CCDC178: variants seen among roughly 807,000 people sequenced by gnomAD.
The protein encoded by CCDC178 is coiled-coil domain-containing protein 178.
A neutral mutation model predicts 117.4 loss-of-function variants in CCDC178; 126 were observed. The ratio of observed to expected loss-of-function variants is 1.07; its 90% confidence interval spans 0.93 to 1.24. CCDC178 has a LOEUF of 1.24. Ranked by LOEUF, CCDC178 falls within the 50% of genes most tolerant of loss-of-function variation. The pLI is 0.00. For synonymous variants in CCDC178, 283 were observed against 313.4 expected, an observed-to-expected ratio of 0.90 and a Z score of 1.02; for missense variants, 1,030 against 986.9, an observed-to-expected ratio of 1.04 and a Z score of -0.59.
intron 12 of CCDC178, among the ~76,000 whole-genome samples, chr18:33,280,799 T>G (rs1450839180): frequency 6.6e-6 from 1 of 152,182 alleles, no homozygotes; most frequent in Admixed American, 6.5e-5. Context: ...TCATGTCCTT[T>G]GTAGGGACAC....
chr18:33,180,859 T>C (rs1241702910), intron 20 of CCDC178, among the ~76,000 whole-genome samples: 2 of 152,104 alleles, frequency 1.3e-5, no homozygotes, highest in African/African-American at 4.8e-5. Context: ...TCTTGGCCTA[T>C]GCCACTTGTC....
chr18:33,379,586 A>G (rs964267366), intron 5 of CCDC178, among the ~76,000 whole-genome samples: 1 of 152,120 alleles, frequency 6.6e-6, no homozygotes, highest in Non-Finnish European at 1.5e-5. Flanking sequence ...AGAATCCAAT[A>G]GGCAGCCTCT....
chr18:33,200,780 T>C (rs2058982224), intron 20 of CCDC178, among the ~76,000 whole-genome samples: 1 of 152,186 alleles, frequency 6.6e-6, no homozygotes, highest in Admixed American at 6.5e-5. Context: ...TCAAGAAAAG[T>C]ACTTGTTACA....
chr18:32,983,353 C>T (rs1289063209), intron 21 of CCDC178: 1 of 1,511,302 alleles, frequency 6.6e-7, no homozygotes, highest in South Asian at 1.2e-5. Context: ...AGCCTGCAAC[C>T]TAAGAATAGA....
intron 14 of CCDC178, among the ~76,000 whole-genome samples, chr18:33,248,240 T>C (rs1020012673): frequency 1.3e-5 from 2 of 151,818 alleles, no homozygotes; most frequent in African/African-American, 4.8e-5. Flanking sequence ...CTGACGTAGC[T>C]TAAGAAAATT....
chr18:33,299,415 T>G (rs2062147351), intron 11 of CCDC178, among the ~76,000 whole-genome samples: 1 of 151,762 alleles, frequency 6.6e-6, no homozygotes, highest in Admixed American at 6.6e-5. Flanking sequence ...ATAATAAAAA[T>G]AGACCTCATC....
intron 21 of CCDC178, among the ~76,000 whole-genome samples, chr18:33,071,109 T>C (rs1310138202): frequency 2.0e-5 from 3 of 152,118 alleles, no homozygotes; most frequent in Non-Finnish European, 4.4e-5. Context: ...TGGAGAGGTT[T>C]ATACAGTGAG....
chr18:32,997,560 T>C (rs1568207140), intron 21 of CCDC178, among the ~76,000 whole-genome samples: 1 of 152,122 alleles, frequency 6.6e-6, no homozygotes, highest in Non-Finnish European at 1.5e-5. Flanking sequence ...TTCCTTAAAA[T>C]AAAATCTCTC....
chr18:33,011,738 C>G (rs140599214), intron 21 of CCDC178, among the ~76,000 whole-genome samples: 5 of 111,528 alleles, frequency 4.5e-5, no homozygotes, highest in African/African-American at 1.7e-4. Flanking sequence ...ACAGGCTTAA[C>G]TTAACGTGGC....
chr18:32,964,810 TA>T (rs997811470), intron 22 of CCDC178, among the ~76,000 whole-genome samples: 8 of 152,102 alleles, frequency 5.3e-5, no homozygotes, highest in African/African-American at 1.7e-4. Flanking sequence ...AGAGATTTTT[TA>T]AAAAAGTTTA....
At position 33,430,156 on chromosome 18, in the gene CCDC178, T is replaced by C. The variant is rs1179889149; in HGVS notation, c.-23+9806A>G. ...AAAATCAAAAAATTGCCACAAAAAC[T>C]TTACTTGAGTAAAATAAAAGTAAGC... On this transcript the variant is annotated intron_variant, in intron 2 of 22. Coordinates refer to ENST00000383096, the MANE Select transcript of CCDC178 (RefSeq NM_001105528.4). 2.0e-5 allele frequency among the ~76,000 whole-genome samples: 3 copies of C among 152,212 alleles called. No homozygotes were observed. In the East Asian group the frequency reaches 5.8e-4, roughly 29 times the overall value.
intron 20 of CCDC178, among the ~76,000 whole-genome samples, chr18:33,135,345 A>C (rs1320828300): frequency 2.0e-5 from 3 of 152,166 alleles, no homozygotes; most frequent in African/African-American, 7.2e-5. Flanking sequence ...TAGATGGCAC[A>C]CAAAAAAATA....
intron 20 of CCDC178, among the ~76,000 whole-genome samples, chr18:33,185,169 C>T (rs271448): frequency 0.16 from 24,467 of 151,658 alleles, 2,751 homozygotes; most frequent in African/African-American, 0.32. Context: ...GAGAGAAGGT[C>T]GGGAAAGGGG....
chr18:32,948,896 T>C (rs1460485230), intron 22 of CCDC178, among the ~76,000 whole-genome samples: 2 of 152,120 alleles, frequency 1.3e-5, no homozygotes, highest in Non-Finnish European at 2.9e-5. Flanking sequence ...TTTGTCCTTC[T>C]TCCTGAAAGA....
chr18:33,390,812 TA>T (rs2063553974), intron 4 of CCDC178, among the ~76,000 whole-genome samples: 1 of 151,800 alleles, frequency 6.6e-6, no homozygotes, highest in Non-Finnish European at 1.5e-5. Flanking sequence ...TGCTATAAAA[TA>T]AAAAAATTGT....
chr18:33,127,889 G>A (rs2058027545), intron 20 of CCDC178, among the ~76,000 whole-genome samples: 1 of 152,170 alleles, frequency 6.6e-6, no homozygotes, highest in East Asian at 1.9e-4. Context: ...ATCTCTGGAT[G>A]AAGGATTTGG....
chr18:33,326,657 CT>C (rs1258524660), intron 10 of CCDC178, among the ~76,000 whole-genome samples: 2 of 151,846 alleles, frequency 1.3e-5, no homozygotes, highest in African/African-American at 4.8e-5. Context: ...CACTCTGTAT[CT>C]TGTTGTTTTT....
rs2144589981 is a variant in CCDC178, at chr18:33,211,914, T to A, written c.2220A>T (p.Lys740Asn). The change falls in exon 20 of 23, where the codon AAA (lysine) becomes AAT (asparagine). Residue 740 changes from lysine (K) to asparagine (N), a missense_variant. By Grantham distance (94) the Lys-to-Asn change is moderately conservative. Coordinates refer to ENST00000383096, the MANE Select transcript of CCDC178 (RefSeq NM_001105528.4). Reference sequence around the variant, plus strand: ...TACTCACTTGGGTATCTTGAAGAGTTTTTTGTCTTACAGCAAGGAGCACTC... The same window carrying A: ...TACTCACTTGGGTATCTTGAAGAGTATTTTGTCTTACAGCAAGGAGCACTC... Reference protein sequence around the residue: ...RFRVLLAVRQKTLQDTQKIIA... With the variant: ...RFRVLLAVRQNTLQDTQKIIA... The A allele has an allele frequency of 1.2e-6, 2 of 1,605,270 alleles. No individual in the cohort carries two copies. The highest frequency in any genetic ancestry group is 1.7e-5 in the Admixed American group (1 of 58,334).
chr18:33,338,865 C>T (rs573960774), intron 9 of CCDC178, among the ~76,000 whole-genome samples: 7 of 152,110 alleles, frequency 4.6e-5, no homozygotes, highest in South Asian at 2.1e-4. Context: ...CCCAACACCA[C>T]CTGTTCCCCA....
Sources: allele counts gnomAD v4.1 joint callset (sites outside exome capture counted in the v4.1 genomes callset), GRCh38; gene constraint gnomAD v4.1.1; transcripts MANE v1.5; gene names NCBI Gene and HGNC (gene_info 2026-07-23, HGNC 2026-07-21).